Variants in GARRE1 observed in about 807,000 individuals in gnomAD.
GARRE1 encodes the protein granule associated Rac and RHOG effector 1, also known as granule associated Rac and RHOG effector protein 1.
In GARRE1, 49 loss-of-function variants were observed where a neutral mutation model predicts 103.2. The observed-to-expected ratio is 0.47, with a 90% confidence interval of 0.38 to 0.60. The LOEUF (loss-of-function observed/expected upper bound fraction) is 0.60, where lower values mean the gene tolerates loss of function less well. GARRE1 is among the 20% of genes least tolerant of loss of function. GARRE1 has a pLI of 0.00. For synonymous variants in GARRE1, 505 were observed against 532.8 expected, an observed-to-expected ratio of 0.95 and a Z score of 0.72; for missense variants, 1,199 against 1,370.5, an observed-to-expected ratio of 0.87 and a Z score of 1.98.
chr19:34,341,738 G>C lies in GARRE1; in HGVS notation c.1804G>C (p.Asp602His). Residue 602 changes from aspartate to histidine, a missense_variant, in exon 10 of 14, where the codon GAC becomes CAC. Physicochemically the swap from Asp to His is moderately conservative, Grantham distance 81. Transcript: ENST00000299505. Reference protein sequence around the residue: ...LNIGNFPRTTDPSQSAQNSSN... With the variant: ...LNIGNFPRTTHPSQSAQNSSN... ...CATTGGTAATTTCCCCAGGACTACA[G>C]ACCCTTCACAGTCAGCTCAGAATTC... is the stretch of plus-strand genomic sequence containing the variant. The C allele has an allele frequency of 6.2e-7, 1 of 1,614,212 alleles. No homozygotes were observed. The highest frequency in any genetic ancestry group is 1.1e-5 in the South Asian group (1 of 91,086).
At chr19:34,340,163 A>G (rs949073676) in intron 9 of GARRE1, among the ~76,000 whole-genome samples, 171 bp downstream of exon 9, 7 of 152,186 alleles carry the variant, frequency 4.6e-5, no homozygotes, top group Non-Finnish European at 8.8e-5. Context: ...AGTGGCAAGA[A>G]TAATACAAAG....
chr19:34,276,146 C>T (rs1014471150), intron 1 of GARRE1, among the ~76,000 whole-genome samples: 3 of 152,074 alleles, frequency 2.0e-5, no homozygotes, highest in African/African-American at 7.2e-5. Context: ...TAGGTTCAAG[C>T]AGTTCTCCTG....
At chr19:34,298,387 C>G (rs1455380058) in intron 1 of GARRE1, among the ~76,000 whole-genome samples, 1 of 150,752 alleles carries the variant, frequency 6.6e-6, no homozygotes, top group Non-Finnish European at 1.5e-5. Flanking sequence ...GCACTCTAGC[C>G]TGGGTAACAC....
intron 9 of GARRE1, among the ~76,000 whole-genome samples, chr19:34,340,356 C>T (rs978402033): frequency 1.3e-5 from 2 of 151,928 alleles, no homozygotes; most frequent in Non-Finnish European, 2.9e-5. Context: ...TTTTCTTTTT[C>T]AATCAGTTCT....
intron 6 of GARRE1, among the ~76,000 whole-genome samples, chr19:34,328,849 C>G (rs1392597617): frequency 6.6e-6 from 1 of 152,072 alleles, no homozygotes; most frequent in Non-Finnish European, 1.5e-5. Flanking sequence ...CTCAGCTGAT[C>G]CACCCTACTT....
intron 8 of GARRE1, among the ~76,000 whole-genome samples, chr19:34,334,040 A>G (rs1194693215): frequency 6.6e-6 from 1 of 152,222 alleles, no homozygotes; most frequent in Non-Finnish European, 1.5e-5. Flanking sequence ...CTAAAATGTT[A>G]TATACTCTTG....
chr19:34,319,975 G>A lies in GARRE1; in HGVS notation c.564G>A (p.Lys188=). ...AGTTTTTGACTCATGCGTTACAGAA[G>A]GTCCAGCCGGTGGCTCACTCTTGCT... is the stretch of plus-strand genomic sequence containing the variant. The part of the protein sequence containing the change: ...HFQFLTHALQ[K]VQPVAHSCFA... The change falls in exon 3 of 14, where the codon AAG becomes AAA. Residue 188 remains lysine, a synonymous_variant. Transcript: ENST00000299505. 1.2e-6 allele frequency: 2 copies of A among 1,614,258 alleles called. No individual in the cohort carries two copies. The highest frequency in any genetic ancestry group is 1.7e-6 in the Non-Finnish European group (2 of 1,180,052).
chr19:34,312,673 T>G (rs2074042494), intron 2 of GARRE1, among the ~76,000 whole-genome samples: 1 of 152,206 alleles, frequency 6.6e-6, no homozygotes, highest in Admixed American at 6.5e-5. Context: ...ATGCCTGTAA[T>G]CCCAGCACTT....
At chr19:34,323,133 G>A (rs967583730) in intron 3 of GARRE1, among the ~76,000 whole-genome samples, 5 of 136,402 alleles carry the variant, frequency 3.7e-5, no homozygotes, top group East Asian at 2.5e-4. Context: ...CGGGGTTCAC[G>A]CCATTCTCCT....
intron 1 of GARRE1, among the ~76,000 whole-genome samples, chr19:34,257,846 C>T (rs571666833): frequency 2.0e-5 from 3 of 151,122 alleles, no homozygotes; most frequent in South Asian, 4.2e-4. Flanking sequence ...TTCTTGCTCT[C>T]GTGAATCTCC....
At chr19:34,324,560 G>A (rs2074103524) in intron 3 of GARRE1, among the ~76,000 whole-genome samples, 1 of 151,080 alleles carries the variant, frequency 6.6e-6, no homozygotes, top group African/African-American at 2.4e-5. Flanking sequence ...CTGGAGTGCG[G>A]TAGTGATCAC....
At chr19:34,302,291 C>CAT (rs2073984005) in intron 2 of GARRE1, among the ~76,000 whole-genome samples, 1 of 74,566 alleles carries the variant, frequency 1.3e-5, no homozygotes, top group Non-Finnish European at 2.5e-5. Context: ...CGCGCCCAGC[C>CAT]GTTTTTTTTT....
In GARRE1 at chr19:34,341,895, C is replaced by T. The variant is rs750168676; in HGVS notation, c.1961C>T (p.Ser654Leu). The change falls in exon 10 of 14, where the codon TCG becomes TTG. Residue 654 changes from serine (S) to leucine (L), a missense_variant. Coordinates refer to ENST00000299505, the MANE Select transcript of GARRE1 (RefSeq NM_014686.5). ...ATGCAAGAGGTGATAGATTTTCTCT[C>T]GGGCTTTAACATGGGCCAGTCACAT... ...QEMQEVIDFLSGFNMGQSHQG... is the reference protein window; with the variant it reads ...QEMQEVIDFLLGFNMGQSHQG... The T allele has an allele frequency of 4.3e-6, 7 of 1,614,160 alleles. No individual in the cohort carries two copies. The highest frequency in any genetic ancestry group is 2.2e-5 in the East Asian group (1 of 44,882).
chr19:34,278,318 C>G (rs556170675), intron 1 of GARRE1, among the ~76,000 whole-genome samples: 3 of 151,876 alleles, frequency 2.0e-5, no homozygotes, highest in Non-Finnish European at 4.4e-5. Flanking sequence ...GTGGCATAAG[C>G]CTGCAGTCCC....
intron 3 of GARRE1, among the ~76,000 whole-genome samples, chr19:34,321,226 T>G (rs2074087134): frequency 9.6e-6 from 1 of 104,378 alleles, no homozygotes; most frequent in African/African-American, 5.1e-5. Context: ...CCGGCTAATT[T>G]TTTTTTTTTT....
At chr19:34,317,355 A>G (rs940114000) in intron 2 of GARRE1, among the ~76,000 whole-genome samples, 1 of 152,220 alleles carries the variant, frequency 6.6e-6, no homozygotes, top group Non-Finnish European at 1.5e-5. Context: ...GAGAGAATGA[A>G]TGACTAAGTT....
chr19:34,337,048 CTG>C (rs1002656304), intron 8 of GARRE1, among the ~76,000 whole-genome samples: 2 of 129,142 alleles, frequency 1.5e-5, no homozygotes, highest in African/African-American at 6.0e-5. Flanking sequence ...AATTTTAGTT[CTG>C]TTTTTTTTTT....
At chr19:34,303,367 A>G (rs534439189) in intron 2 of GARRE1, among the ~76,000 whole-genome samples, 50 of 152,344 alleles carry the variant, frequency 3.3e-4, no homozygotes, top group African/African-American at 1.1e-3. Context: ...CTGATTATTT[A>G]GGTGCCTGAA....
intron 8 of GARRE1, among the ~76,000 whole-genome samples, chr19:34,334,279 T>C (rs754629429): frequency 2.0e-5 from 3 of 152,172 alleles, no homozygotes; most frequent in African/African-American, 7.2e-5. Flanking sequence ...GTAACACTTA[T>C]AATAGATAAA....
Sources: gnomAD v4.1 joint callset for allele counts (sites outside exome capture counted in the v4.1 genomes callset) on GRCh38, gnomAD v4.1.1 for gene constraint, MANE v1.5 for transcripts, NCBI Gene and HGNC (gene_info 2026-07-23, HGNC 2026-07-21) for gene names.